RTL4: variants seen among roughly 807,000 people sequenced by gnomAD.
RTL4 encodes retrotransposon Gag-like protein 4.
RTL4 carries 4 observed loss-of-function variants against 5.3 expected under a neutral mutation model. The ratio of observed to expected loss-of-function variants is 0.75; its 90% confidence interval spans 0.37 to 1.72. The LOEUF is 1.72. Ranked by LOEUF, RTL4 falls within the 40% of genes most tolerant of loss-of-function variation. RTL4 has a pLI of 0.04. For missense variants in RTL4, 260 were observed against 227.1 expected (o/e 1.14, Z -0.93); for synonymous variants, 98 against 87.3 (o/e 1.12, Z -0.68).
the RTL4 span, among the ~76,000 whole-genome samples, chrX:112,124,770 C>T: frequency 2.4e-4 from 26 of 110,568 alleles, no homozygotes; most frequent in African/African-American, 6.6e-4. Flanking sequence ...CAAACCTGCA[C>T]GTTCTGCGCA....
chrX:112,163,744 A>T, the RTL4 span, among the ~76,000 whole-genome samples: 4 of 111,791 alleles, frequency 3.6e-5, no homozygotes, highest in Admixed American at 2.8e-4. Context: ...AATAATACCT[A>T]CCTGCATAGA....
At chrX:112,390,110 T>C in the RTL4 span, among the ~76,000 whole-genome samples, 1 of 2,795 alleles carries the variant, frequency 3.6e-4, no homozygotes, top group African/African-American at 1.2e-3. Context: ...ATATATAATA[T>C]ATATATATAT....
the RTL4 span, among the ~76,000 whole-genome samples, chrX:112,226,971 T>TAAAATAAAATA: frequency 5.3e-5 from 4 of 74,916 alleles, no homozygotes; most frequent in African/African-American, 1.4e-4. Context: ...TAAAATAAAA[T>TAAAATAAAATA]AATAAAATAA....
chrX:112,411,797 A>G, the RTL4 span, among the ~76,000 whole-genome samples: 2 of 111,301 alleles, frequency 1.8e-5, no homozygotes, highest in Admixed American at 1.9e-4. Flanking sequence ...CTAGAAAATG[A>G]TAAGGATGCC....
At chrX:112,401,796 A>C in the RTL4 span, among the ~76,000 whole-genome samples, 2 of 112,185 alleles carry the variant, frequency 1.8e-5, no homozygotes, top group South Asian at 7.4e-4. Context: ...TGTTACTGCC[A>C]GATATTCTTC....
the RTL4 span, among the ~76,000 whole-genome samples, chrX:112,178,325 C>G: frequency 1.8e-5 from 2 of 111,577 alleles, no homozygotes; most frequent in Non-Finnish European, 3.8e-5. Context: ...GATCTTCTCA[C>G]ATGATGCCAA....
At chrX:112,101,326 T>C in the RTL4 span, among the ~76,000 whole-genome samples, 2 of 111,990 alleles carry the variant, frequency 1.8e-5, no homozygotes, top group African/African-American at 6.5e-5. Flanking sequence ...AAGCATATTC[T>C]ATTTAAACAG....
the RTL4 span, among the ~76,000 whole-genome samples, chrX:112,239,598 T>C: frequency 9.0e-6 from 1 of 110,601 alleles, no homozygotes; most frequent in African/African-American, 3.3e-5. Context: ...TTATCCCCTA[T>C]CCTCAGTGTC....
At chrX:112,156,734 A>G in the RTL4 span, among the ~76,000 whole-genome samples, 2 of 111,750 alleles carry the variant, frequency 1.8e-5, no homozygotes, top group Non-Finnish European at 3.8e-5. Context: ...TGACTTGTAT[A>G]AAGCTGTATA....
the RTL4 span, among the ~76,000 whole-genome samples, chrX:112,091,725 G>C: frequency 9.0e-6 from 1 of 110,676 alleles, no homozygotes; most frequent in East Asian, 2.8e-4. Context: ...GTTTTGGGGT[G>C]ACATGTTCTA....
the RTL4 span, among the ~76,000 whole-genome samples, chrX:112,244,929 G>T: frequency 1.8e-5 from 2 of 111,679 alleles, no homozygotes; most frequent in East Asian, 2.8e-4. Flanking sequence ...GTCTGTAAAG[G>T]ATTTTATTCC....
At chrX:112,310,365 TATAC>T in the RTL4 span, among the ~76,000 whole-genome samples, 2 of 14,356 alleles carry the variant, frequency 1.4e-4, no homozygotes, top group African/African-American at 2.6e-4. Flanking sequence ...CCAGCACCTT[TATAC>T]ATATATATAT....
At chrX:112,396,596 T>G in the RTL4 span, among the ~76,000 whole-genome samples, 1 of 111,291 alleles carries the variant, frequency 9.0e-6, no homozygotes, top group Non-Finnish European at 1.9e-5. Flanking sequence ...GTTCTCATAT[T>G]ATATCCCCCC....
chrX:112,101,618 G>GA, the RTL4 span, among the ~76,000 whole-genome samples: 1 of 111,065 alleles, frequency 9.0e-6, no homozygotes, highest in Non-Finnish European at 1.9e-5. Context: ...AAGAATATAA[G>GA]AAAAAAAGAA....
At chrX:112,215,767 T>C in the RTL4 span, among the ~76,000 whole-genome samples, 2 of 112,155 alleles carry the variant, frequency 1.8e-5, no homozygotes, top group African/African-American at 6.5e-5. Context: ...GATGTACAAA[T>C]ACCTGTTCAA....
chrX:112,289,718 T>C, the RTL4 span, among the ~76,000 whole-genome samples: 4 of 111,632 alleles, frequency 3.6e-5, no homozygotes, highest in African/African-American at 1.3e-4. Flanking sequence ...ACACTCACCA[T>C]GTGACTGGGC....
the RTL4 span, among the ~76,000 whole-genome samples, chrX:112,363,561 C>T: frequency 9.0e-6 from 1 of 110,620 alleles, no homozygotes; most frequent in Admixed American, 9.6e-5. Context: ...TCTGATTTTT[C>T]CATCCAGAGT....
the RTL4 span, among the ~76,000 whole-genome samples, chrX:112,390,109 ATATATATATATATAT>A: frequency 2.2e-3 from 3 of 1,366 alleles, no homozygotes; most frequent in African/African-American, 5.8e-3. Context: ...TATATATAAT[ATATATATATATATAT>A]ATATATATAT....
the RTL4 span, among the ~76,000 whole-genome samples, chrX:112,111,883 C>T: frequency 8.9e-6 from 1 of 112,002 alleles, no homozygotes; most frequent in Non-Finnish European, 1.9e-5. Context: ...AATTGGTTCT[C>T]TATCCTCTGG....
Sources: gnomAD v4.1 joint callset for allele counts (sites outside exome capture counted in the v4.1 genomes callset) on GRCh38, gnomAD v4.1.1 for gene constraint, MANE v1.5 for transcripts, NCBI Gene and HGNC (gene_info 2026-07-23, HGNC 2026-07-21) for gene names.